Variants in PHC2 observed in about 807,000 individuals in gnomAD.
The protein encoded by PHC2 is polyhomeotic homolog 2.
A neutral mutation model predicts 87.4 loss-of-function variants in PHC2; 29 were observed. The observed-to-expected ratio is 0.33, with a 90% CI of 0.25 to 0.45. The LOEUF (loss-of-function observed/expected upper bound fraction) is 0.45. Ranked by LOEUF, PHC2 falls within the 20% of genes least tolerant of loss-of-function variation. The probability of loss-of-function intolerance (pLI) is 1.00; values close to 1 mark genes in which losing one functional copy is unlikely to be tolerated. For missense variants in PHC2, 857 were observed against 1,136.7 expected, an observed-to-expected ratio of 0.75 and a Z score of 3.54; for synonymous variants, 438 against 461.7, an observed-to-expected ratio of 0.95 and a Z score of 0.66.
intron 1 of PHC2, among the ~76,000 whole-genome samples, chr1:33,407,123 A>G (rs907787261): frequency 5.3e-5 from 8 of 152,172 alleles, no homozygotes; most frequent in African/African-American, 1.9e-4. Context: ...TAGTTTTAAA[A>G]CAATCTGTTA....
intron 1 of PHC2, among the ~76,000 whole-genome samples, chr1:33,422,080 G>A (rs1046637174): frequency 1.8e-4 from 27 of 152,140 alleles, no homozygotes; most frequent in African/African-American, 5.6e-4. Context: ...AAGGTTGTTT[G>A]GAGGTCCCCC....
chr1:33,335,247 G>A lies in PHC2; in HGVS notation c.1559-955C>T, dbSNP rs574698076. On this transcript the variant is annotated intron_variant, in intron 9 of 14. Coordinates refer to ENST00000683057, the MANE Select transcript of PHC2 (RefSeq NM_001385109.1). ...CATGAGCTGTCTCATTGTCTTAGAC[G>A]TGCAAGACTTCATCTCCTCACTTCT... 47 of 985,292 alleles carry A rather than the reference G, an allele frequency of 4.8e-5. No homozygotes were observed. The East Asian group carries it at 2.2e-3, about 45-fold the overall frequency. 61.0% of individuals were successfully genotyped at this position (985,292 alleles called of 1,614,324 possible).
At chr1:33,425,119 T>C (rs1314995746) in intron 1 of PHC2, among the ~76,000 whole-genome samples, 3 of 152,344 alleles carry the variant, frequency 2.0e-5, no homozygotes, top group South Asian at 4.1e-4. Context: ...ATTTTATTAT[T>C]GAACCAAGTA....
chr1:33,377,030 TG>T lies in PHC2; in HGVS notation c.-54-1438del, dbSNP rs541865649. Among the ~76,000 whole-genome samples, 492 of 152,368 alleles carry T rather than the reference TG, an allele frequency of 3.2e-3. 1 individual carries two copies. The highest frequency in any genetic ancestry group is 0.011 in the African/African-American group (472 of 41,590). On this transcript the variant is annotated intron_variant, in intron 1 of 14. Transcript: ENST00000683057. The stretch of plus-strand genomic sequence containing the variant: ...AGGTATGTACTTACTGAGTGCCCTC[TG>T]GATCTAACGCTTAGCAGGGTACCAT...
At chr1:33,350,487 C>G (rs1280457990) in intron 9 of PHC2, 1 of 152,324 alleles carries the variant, frequency 6.6e-6, no homozygotes, top group Non-Finnish European at 1.5e-5. Flanking sequence ...CCGGGTGAAC[C>G]TGCGCTGTCG....
chr1:33,371,471 ACCATCACACCTGGCCACCG>A (rs1647837118), intron 3 of PHC2, among the ~76,000 whole-genome samples: 1 of 150,590 alleles, frequency 6.6e-6, no homozygotes, highest in Non-Finnish European at 1.5e-5. Context: ...CCCAGCCACC[ACCATCACACCTGGCCACCG>A]CCATCACACC....
rs1469472920 is a variant in PHC2, at chr1:33,368,492, G to A, written c.663+44C>T. The A allele has an allele frequency of 9.3e-7, 1 of 1,077,182 alleles. No homozygotes were observed. The highest frequency in any genetic ancestry group is 1.6e-5 in the African/African-American group (1 of 63,900). 66.7% of individuals were successfully genotyped at this position (1,077,182 alleles called of 1,614,324 possible). ...TCCCCAGTATCAGTGCCCCTCTACAGGGGTGCCCACCCCCCTGCCCTCCCA... is the reference window on the plus strand; with the variant it reads ...TCCCCAGTATCAGTGCCCCTCTACAAGGGTGCCCACCCCCCTGCCCTCCCA... On this transcript the variant is annotated intron_variant, in intron 6 of 14. Coordinates refer to ENST00000683057, the MANE Select transcript of PHC2 (RefSeq NM_001385109.1). This position sits in a 1 kb window ranked among gnomAD's most constrained non-coding sequence, Gnocchi z 6.6.
At position 33,334,353 on chromosome 1, in the gene PHC2, G is replaced by A; in HGVS notation, c.1559-61C>T. 3.3e-6 allele frequency: 5 copies of A among 1,498,394 alleles called. No homozygotes were observed. The highest frequency in any genetic ancestry group is 1.4e-5 in the African/African-American group (1 of 72,302). 92.8% of individuals were successfully genotyped at this position (1,498,394 alleles called of 1,614,324 possible). ...GATCAGAACCAGAGTCCACGCCCAGGGAGGGACAGCAAGGACTCAAACTGC... is the reference window on the plus strand; with the variant it reads ...GATCAGAACCAGAGTCCACGCCCAGAGAGGGACAGCAAGGACTCAAACTGC... On this transcript the variant is annotated intron_variant, in intron 9 of 14. Transcript: ENST00000683057. This position sits in a 1 kb window ranked among gnomAD's most constrained non-coding sequence, Gnocchi z 5.5.
chr1:33,414,502 T>C (rs1486840120), intron 1 of PHC2, among the ~76,000 whole-genome samples: 13 of 152,342 alleles, frequency 8.5e-5, no homozygotes, highest in Admixed American at 7.8e-4. Flanking sequence ...ATTTAAACAC[T>C]GAAGCCCACT....
At chr1:33,342,921 G>C (rs1646772325) in intron 9 of PHC2, among the ~76,000 whole-genome samples, 1 of 152,206 alleles carries the variant, frequency 6.6e-6, no homozygotes, top group African/African-American at 2.4e-5. Flanking sequence ...AAGGAAGAAT[G>C]GCAGAGTAGA....
intron 1 of PHC2, among the ~76,000 whole-genome samples, chr1:33,401,102 G>C (rs980829712): frequency 1.3e-5 from 2 of 152,034 alleles, no homozygotes. Flanking sequence ...CGAGGTAGGC[G>C]AATCAAAAGG....
Position 33,324,831 on chromosome 1 carries a change from G to C in PHC2, c.*34C>G, listed in dbSNP as rs2148173737. 4 of 1,590,170 alleles carry C rather than the reference G, an allele frequency of 2.5e-6. No homozygotes were observed. Among genetic ancestry groups the C allele is most frequent in the Non-Finnish European group, 1.7e-6 (2 of 1,165,424 alleles). On this transcript the variant is annotated 3_prime_UTR_variant, in exon 15 of 15. Coordinates refer to ENST00000683057, the MANE Select transcript of PHC2 (RefSeq NM_001385109.1). Reference sequence around the variant, plus strand: ...TCTGGCTCTGCTCAGTCGGGAGGAGGCGCCCTGGGCCAGAATCCTGGCTGC... The same window carrying C: ...TCTGGCTCTGCTCAGTCGGGAGGAGCCGCCCTGGGCCAGAATCCTGGCTGC...
At chr1:33,370,786 T>C (rs1331331893) in intron 4 of PHC2, among the ~76,000 whole-genome samples, 1 of 152,098 alleles carries the variant, frequency 6.6e-6, no homozygotes, top group African/African-American at 2.4e-5. Context: ...GGGGATCCCA[T>C]GTTGAGAGAA....
chr1:33,363,127 A>G (rs1167723015), intron 7 of PHC2: 1 of 152,248 alleles, frequency 6.6e-6, no homozygotes, highest in Non-Finnish European at 1.5e-5. Context: ...GGGAAAGAAG[A>G]AACGTCCAGC....
chr1:33,368,671 C>G lies in PHC2; in HGVS notation c.577-49G>C. 2.2e-6 allele frequency: 3 copies of G among 1,374,134 alleles called. No homozygotes were observed. Among genetic ancestry groups the G allele is most frequent in the Non-Finnish European group, 3.0e-6 (3 of 984,992 alleles). The allele number at this position is 1,374,134 out of a possible 1,614,324, so 85.1% of individuals were successfully genotyped here. ...CGCCTAGGCTCCTAGCTACCTGCACCAGGTTACCTGGCTGGGCCTGGAATC... is the reference window on the plus strand; with the variant it reads ...CGCCTAGGCTCCTAGCTACCTGCACGAGGTTACCTGGCTGGGCCTGGAATC... On this transcript the variant is annotated intron_variant, in intron 5 of 14. Coordinates refer to ENST00000683057, the MANE Select transcript of PHC2 (RefSeq NM_001385109.1). The surrounding 1 kb of genome is among the most constrained non-coding windows in gnomAD (Gnocchi z 6.6).
At chr1:33,338,787 T>C (rs1271925708) in intron 9 of PHC2, among the ~76,000 whole-genome samples, 1 of 151,990 alleles carries the variant, frequency 6.6e-6, no homozygotes, top group Admixed American at 6.6e-5. Flanking sequence ...CAAATGCCTG[T>C]ATACAGTCAG....
Position 33,349,630 on chromosome 1 carries a change from G to A in PHC2, c.1558+4771C>T. The A allele has an allele frequency of 2.0e-6, 2 of 983,638 alleles. No homozygotes were observed. The highest frequency in any genetic ancestry group is 9.4e-5 in the South Asian group (2 of 21,280). 60.9% of individuals were successfully genotyped at this position (983,638 alleles called of 1,614,324 possible). On this transcript the variant is annotated intron_variant, in intron 9 of 14. Transcript: ENST00000683057. The surrounding 1 kb of genome is among the most constrained non-coding windows in gnomAD (Gnocchi z 4.2). Reference sequence around the variant, plus strand: ...GGCCCGGCTGGGCCTGGCCGGGCGGGGCCTACGCAGCCCCTCGGCCGGGCG... The same window carrying A: ...GGCCCGGCTGGGCCTGGCCGGGCGGAGCCTACGCAGCCCCTCGGCCGGGCG...
At chr1:33,361,118 G>C (rs1647185446) in intron 7 of PHC2, among the ~76,000 whole-genome samples, 1 of 152,218 alleles carries the variant, frequency 6.6e-6, no homozygotes, top group Non-Finnish European at 1.5e-5. Context: ...CAAAGGGGTA[G>C]GAGTGGGAGA....
intron 1 of PHC2, among the ~76,000 whole-genome samples, chr1:33,404,498 C>G (rs1649672841): frequency 6.6e-6 from 1 of 152,160 alleles, no homozygotes; most frequent in Non-Finnish European, 1.5e-5. Context: ...TCTCTTTTAA[C>G]CCCTTTATGT....
Sources: gnomAD v4.1 joint callset for allele counts (sites outside exome capture counted in the v4.1 genomes callset) on GRCh38, gnomAD v4.1.1 for gene constraint, Gnocchi (gnomAD v3.1) non-coding constraint, MANE v1.5 for transcripts, NCBI Gene and HGNC (gene_info 2026-07-23, HGNC 2026-07-21) for gene names.